Variants in CSMD2 observed in about 807,000 individuals in gnomAD.
CSMD2 encodes the protein CUB and Sushi multiple domains 2.
In CSMD2, 130 loss-of-function variants were observed where a neutral mutation model predicts 398.5. That is an observed-to-expected ratio of 0.33 (90% confidence interval 0.28 to 0.38). CSMD2 has a LOEUF of 0.38. Ranked by LOEUF, CSMD2 falls within the 10% of genes least tolerant of loss-of-function variation. The pLI is 1.00. For synonymous variants in CSMD2, 1,828 were observed against 1,908.5 expected, an observed-to-expected ratio of 0.96 and a Z score of 1.10; for missense variants, 3,829 against 4,764.9, an observed-to-expected ratio of 0.80 and a Z score of 5.78.
Position 33,624,686 on chromosome 1 carries a change from GT to G in CSMD2, c.5501-44del. ...CGGGTCAGAGGCTTTGTGGCCTCCCGTGGGAGCCTTCCCAAGCTGACTCCTC... is the reference window on the plus strand; with the variant it reads ...CGGGTCAGAGGCTTTGTGGCCTCCCGGGGAGCCTTCCCAAGCTGACTCCTC... On this transcript the variant is annotated intron_variant, in intron 34 of 70. Coordinates refer to ENST00000373381, the MANE Select transcript of CSMD2 (RefSeq NM_001281956.2). This position sits in a 1 kb window ranked among gnomAD's most constrained non-coding sequence, Gnocchi z 4.7. 1.3e-6 allele frequency: 2 copies of G among 1,589,392 alleles called. No homozygotes were observed. Among genetic ancestry groups the G allele is most frequent in the Non-Finnish European group, 1.7e-6 (2 of 1,163,080 alleles).
intron 2 of CSMD2, among the ~76,000 whole-genome samples, chr1:34,061,265 G>A (rs145039705): frequency 2.0e-5 from 3 of 152,332 alleles, no homozygotes; most frequent in Non-Finnish European, 2.9e-5. Context: ...AGGCTGGACA[G>A]TGTGCCAGGC....
intron 55 of CSMD2, among the ~76,000 whole-genome samples, chr1:33,557,217 A>T (rs1200615521): frequency 1.3e-5 from 2 of 152,180 alleles, no homozygotes. Flanking sequence ...TTTATAGATG[A>T]AGAAACTGAC....
chr1:33,773,916 G>A (rs961578601), intron 12 of CSMD2, among the ~76,000 whole-genome samples: 1 of 152,104 alleles, frequency 6.6e-6, no homozygotes, highest in African/African-American at 2.4e-5. Context: ...CCCTGAAGTT[G>A]GTGTGTGTGA....
intron 3 of CSMD2, among the ~76,000 whole-genome samples, chr1:34,031,773 A>AGGC (rs1650470539): frequency 6.6e-6 from 1 of 151,522 alleles, no homozygotes; most frequent in South Asian, 2.1e-4. Flanking sequence ...GGCAAAAAAA[A>AGGC]AAAAAAAAAA....
intron 5 of CSMD2, chr1:33,864,580 T>C (rs1424903751): frequency 1.2e-6 from 2 of 1,613,954 alleles, no homozygotes; most frequent in Non-Finnish European, 1.7e-6. Flanking sequence ...ACAGGGAAGA[T>C]GTGGTCAACA....
intron 1 of CSMD2, among the ~76,000 whole-genome samples, chr1:34,142,657 A>T (rs969232978): frequency 2.6e-5 from 4 of 152,188 alleles, no homozygotes; most frequent in Non-Finnish European, 5.9e-5. Flanking sequence ...TGGGCTTTGG[A>T]GTCATGCAGC....
intron 3 of CSMD2, among the ~76,000 whole-genome samples, chr1:34,014,731 T>C (rs1006244803): frequency 6.6e-5 from 10 of 152,262 alleles, no homozygotes; most frequent in African/African-American, 2.4e-4. Context: ...CCAGGCCTTG[T>C]TCAGAAGAGG....
rs752278073 is a variant in CSMD2 at position 33,600,902 on chromosome 1, A to C, written c.6819T>G (p.Asp2273Glu). The C allele has an allele frequency of 6.2e-7, 1 of 1,614,102 alleles. No homozygotes were observed. The highest frequency in any genetic ancestry group is 8.5e-7 in the Non-Finnish European group (1 of 1,180,008). Residue 2273 changes from aspartate to glutamate, a missense_variant, in exon 44 of 71, where the codon GAT (aspartate) becomes GAG (glutamate). By Grantham distance (45) the Asp-to-Glu change is conservative. Transcript: ENST00000373381. ...SNQVLLKFHR[D>E]AATGGIFAIA... ...TGGCGAAGATCCCCCCTGTGGCTGCATCACGGTGGAACTTGAGCAGGACCT... is the reference window on the plus strand; with the variant it reads ...TGGCGAAGATCCCCCCTGTGGCTGCCTCACGGTGGAACTTGAGCAGGACCT...
chr1:33,783,463 C>G (rs936167314), intron 12 of CSMD2, among the ~76,000 whole-genome samples: 41 of 146,984 alleles, frequency 2.8e-4, no homozygotes, highest in Admixed American at 2.0e-4. Flanking sequence ...CTCTCTCTCT[C>G]TCTCTCTCTC....
At chr1:33,620,779 C>G (rs2148871280) in intron 37 of CSMD2, among the ~76,000 whole-genome samples, 1 of 149,416 alleles carries the variant, frequency 6.7e-6, no homozygotes, top group Admixed American at 6.7e-5. Context: ...CTTTACCCTG[C>G]AGGGTCTGCT....
rs544697443 is a variant in CSMD2 at position 34,164,059 on chromosome 1, G to A, written c.187+852C>T. On this transcript the variant is annotated intron_variant, in intron 1 of 70. Transcript: ENST00000373381. The surrounding 1 kb of genome is among the most constrained non-coding windows in gnomAD (Gnocchi z 6.2). ...TCGGTCGTCGGGAGCTGGTCCCGCC[G>A]CCCGCGCCGCCGCTGCCGCTGCCGC... 6.1e-3 allele frequency among the ~76,000 whole-genome samples: 926 copies of A among 152,194 alleles called. 13 individuals are homozygous for A. Among genetic ancestry groups the A allele is most frequent in the African/African-American group, 0.021 (884 of 41,552 alleles).
At chr1:33,766,893 C>CT (rs1307532343) in intron 13 of CSMD2, among the ~76,000 whole-genome samples, 2 of 152,172 alleles carry the variant, frequency 1.3e-5, no homozygotes, top group Non-Finnish European at 2.9e-5. Flanking sequence ...AATCTTACAG[C>CT]TTTTGCTACT....
chr1:34,029,907 T>C (rs577915509), intron 3 of CSMD2, among the ~76,000 whole-genome samples: 4 of 152,336 alleles, frequency 2.6e-5, no homozygotes, highest in African/African-American at 9.6e-5. Context: ...CTGTGAGTCT[T>C]GCTGTGGAAT....
chr1:34,015,849 T>C (rs1648011114), intron 3 of CSMD2, among the ~76,000 whole-genome samples: 1 of 152,168 alleles, frequency 6.6e-6, no homozygotes, highest in African/African-American at 2.4e-5. Context: ...CCTATGCAGT[T>C]CAGCCAAGCT....
At chr1:33,898,238 T>C (rs893984458) in intron 5 of CSMD2, among the ~76,000 whole-genome samples, 5 of 152,192 alleles carry the variant, frequency 3.3e-5, no homozygotes, top group Non-Finnish European at 7.3e-5. Context: ...GCGGTTCTTG[T>C]TGAAGGGATA....
intron 5 of CSMD2, among the ~76,000 whole-genome samples, chr1:33,914,602 C>A (rs1643631616): frequency 6.6e-6 from 1 of 152,258 alleles, no homozygotes; most frequent in Middle Eastern, 3.4e-3. Flanking sequence ...CATGTCAGAG[C>A]TACAGGGTTC....
intron 2 of CSMD2, among the ~76,000 whole-genome samples, chr1:34,043,532 G>C (rs1652118101): frequency 6.6e-6 from 1 of 152,086 alleles, no homozygotes; most frequent in Non-Finnish European, 1.5e-5. Context: ...AAGTCTCTTG[G>C]AGGCAAAGAC....
intron 3 of CSMD2, among the ~76,000 whole-genome samples, chr1:34,004,870 A>T (rs951937539): frequency 5.9e-5 from 9 of 152,082 alleles, no homozygotes; most frequent in Non-Finnish European, 8.8e-5. Context: ...AGTGTTCCCC[A>T]TCTGGCTCTG....
At chr1:33,895,487 CAG>C (rs1000287787) in intron 5 of CSMD2, among the ~76,000 whole-genome samples, 5 of 152,262 alleles carry the variant, frequency 3.3e-5, no homozygotes, top group Non-Finnish European at 7.4e-5. Flanking sequence ...GATGAAGTGA[CAG>C]AGGTTTGGGA....
Sources: gnomAD v4.1 joint callset for allele counts (sites outside exome capture counted in the v4.1 genomes callset) on GRCh38, gnomAD v4.1.1 for gene constraint, Gnocchi (gnomAD v3.1) non-coding constraint, MANE v1.5 for transcripts, NCBI Gene and HGNC (gene_info 2026-07-23, HGNC 2026-07-21) for gene names.